WASHC4: variants seen among roughly 807,000 people sequenced by gnomAD.
The protein encoded by WASHC4 is WASH complex subunit 7.
A neutral mutation model predicts 166.6 loss-of-function variants in WASHC4; 86 were observed. That is an observed-to-expected ratio of 0.52 (90% confidence interval 0.43 to 0.62). WASHC4 has a LOEUF of 0.62. Among genes scored for constraint, WASHC4 ranks in the 20% least tolerant of loss-of-function variants. The probability of loss-of-function intolerance (pLI) is 0.00; values close to 1 mark genes in which losing one functional copy is unlikely to be tolerated. For missense variants in WASHC4, 1,262 were observed against 1,382.4 expected, an observed-to-expected ratio of 0.91 and a Z score of 1.38; for synonymous variants, 446 against 451.6, an observed-to-expected ratio of 0.99 and a Z score of 0.16.
At chr12:105,144,660 G>C in intron 21 of WASHC4, 58 bp from the exon 22 acceptor site, 3 of 1,483,062 alleles carry the variant, frequency 2.0e-6, no homozygotes, top group African/African-American at 1.4e-5. Context: ...TTTCCTTTTA[G>C]GTTTCATTTC....
At chr12:105,109,721 A>G (rs146660893) in intron 1 of WASHC4, among the ~76,000 whole-genome samples, 3 of 136,270 alleles carry the variant, frequency 2.2e-5, no homozygotes, top group African/African-American at 8.5e-5. Flanking sequence ...GCCACGGCTC[A>G]CTGCAGCCTC....
At chr12:105,157,755 A>G (rs560218935) in intron 28 of WASHC4, among the ~76,000 whole-genome samples, 1 of 152,360 alleles carries the variant, frequency 6.6e-6, no homozygotes, top group Non-Finnish European at 1.5e-5. Flanking sequence ...GCAGCACTGT[A>G]GCCACTACCA....
chr12:105,121,474 T>C (rs144584481), intron 9 of WASHC4, among the ~76,000 whole-genome samples: 1 of 152,312 alleles, frequency 6.6e-6, no homozygotes, highest in East Asian at 1.9e-4. Flanking sequence ...CTCAGATTTA[T>C]TGTTTTCCTT....
chr12:105,143,215 A>G lies in WASHC4; in HGVS notation c.1982A>G (p.Asp661Gly). ...TATGAGATACTTCTGGATTGCTATGACAAGGAAATTATGGAAATTTTAAAT... is the reference window on the plus strand; with the variant it reads ...TATGAGATACTTCTGGATTGCTATGGCAAGGAAATTATGGAAATTTTAAAT... The part of the protein sequence containing the change: ...ESYEILLDCY[D>G]KEIMEILNEH... The change falls in exon 20 of 33, where the codon GAC (aspartate) becomes GGC (glycine). Residue 661 changes from aspartate to glycine, a missense_variant. Physicochemically the swap from Asp to Gly is moderately conservative, Grantham distance 94. Transcript: ENST00000332180. 2 of 1,598,102 alleles carry G rather than the reference A, an allele frequency of 1.3e-6. No individual in the cohort carries two copies. Among genetic ancestry groups the G allele is most frequent in the South Asian group, 1.1e-5 (1 of 90,686 alleles).
chr12:105,143,097 A>C, intron 19 of WASHC4, 30 bp from the exon 20 acceptor site: 4 of 1,415,156 alleles, frequency 2.8e-6, no homozygotes. Flanking sequence ...GGTTTTTCTA[A>C]ATTCATGTAC....
intron 12 of WASHC4, 44 bp from the exon 13 acceptor site, chr12:105,127,085 G>T (rs773807218): frequency 6.5e-7 from 1 of 1,540,742 alleles, no homozygotes; most frequent in South Asian, 1.1e-5. Context: ...TTGTTGTTTA[G>T]CCTGCATTTA....
chr12:105,128,945 A>ATTTT (rs60081185), intron 13 of WASHC4, among the ~76,000 whole-genome samples: 1 of 99,662 alleles, frequency 1.0e-5, no homozygotes, highest in Admixed American at 1.0e-4. Context: ...GCCCAGCTAC[A>ATTTT]TTTTTTTTTT....
chr12:105,133,127 C>A (rs1005108010), intron 13 of WASHC4, among the ~76,000 whole-genome samples: 4 of 152,076 alleles, frequency 2.6e-5, no homozygotes. Flanking sequence ...GTAAGGCCTT[C>A]CACAAATCCC....
chr12:105,121,653 G>T (rs1047209310), intron 9 of WASHC4, among the ~76,000 whole-genome samples: 2 of 152,116 alleles, frequency 1.3e-5, no homozygotes, highest in Admixed American at 1.3e-4. Context: ...GACTACAGGC[G>T]TGTGCCACCA....
Position 105,126,063 on chromosome 12 carries a change from T to C in WASHC4, c.846T>C (p.Ser282=), listed in dbSNP as rs1881252861. 6.2e-7 allele frequency: 1 copy of C among 1,612,836 alleles called. No individual in the cohort carries two copies. The highest frequency in any genetic ancestry group is 8.5e-7 in the Non-Finnish European group (1 of 1,179,194). Residue 282 remains serine, a synonymous_variant, in exon 11 of 33, where the codon AGT becomes AGC. Transcript: ENST00000332180. ...GAGGAGTATCTGTGTCAAAAAATAGTACTTTTGCTGAGGAATTTGCACATA... is the reference window on the plus strand; with the variant it reads ...GAGGAGTATCTGTGTCAAAAAATAGCACTTTTGCTGAGGAATTTGCACATA... ...LNGGVSVSKN[S]TFAEEFAHSI... is the part of the protein sequence containing the mutation.
intron 13 of WASHC4, among the ~76,000 whole-genome samples, chr12:105,130,007 T>A (rs542393410): frequency 3.3e-5 from 5 of 152,194 alleles, no homozygotes; most frequent in Non-Finnish European, 7.3e-5. Context: ...GACACATACC[T>A]CCTGTAATGA....
At chr12:105,140,797 G>A in intron 16 of WASHC4, 102 bp from the exon 17 acceptor site, 2 of 1,149,458 alleles carry the variant, frequency 1.7e-6, no homozygotes, top group South Asian at 2.5e-5. Flanking sequence ...ATTTGTGTAT[G>A]CTCTCTTAAA....
At chr12:105,140,517 T>C in intron 16 of WASHC4, 116 bp downstream of exon 16, 1 of 780,626 alleles carries the variant, frequency 1.3e-6, no homozygotes, top group South Asian at 1.5e-5. Flanking sequence ...AAACATAATA[T>C]GCTCGGTTAT....
intron 2 of WASHC4, 109 bp from the exon 3 acceptor site, chr12:105,114,107 C>A: frequency 2.2e-6 from 2 of 891,366 alleles, no homozygotes; most frequent in Non-Finnish European, 1.8e-6. Flanking sequence ...ATGTTGAGTA[C>A]AGGATCTAAC....
rs1434322633 is a variant in WASHC4, at chr12:105,164,400, T to C, written c.3354+93T>C. 17 of 1,127,476 alleles carry C rather than the reference T, an allele frequency of 1.5e-5. No homozygotes were observed. The African/African-American group carries it at 2.4e-4, about 16-fold the overall frequency. The allele number at this position is 1,127,476 out of a possible 1,614,324, so 69.8% of individuals were successfully genotyped here. ...TGAAAAGCAGAAGCCATATAGAAAC[T>C]ACCATTTTCACAAGTGAGATGAATA... is the stretch of plus-strand genomic sequence containing the variant. On this transcript the variant is annotated intron_variant, in intron 31 of 32. Transcript: ENST00000332180.
chr12:105,131,948 A>G (rs1194647101), intron 13 of WASHC4, among the ~76,000 whole-genome samples: 1 of 152,182 alleles, frequency 6.6e-6, no homozygotes, highest in Non-Finnish European at 1.5e-5. Flanking sequence ...CTTGAGATTG[A>G]CAGTTTGCCC....
chr12:105,141,141 C>T (rs778384082), intron 17 of WASHC4, 26 bp from the exon 18 acceptor site: 2 of 1,610,094 alleles, frequency 1.2e-6, no homozygotes, highest in Non-Finnish European at 1.7e-6. Flanking sequence ...TGCAACTTCT[C>T]TGCCTTTTTT....
In WASHC4 at chr12:105,160,239, G is replaced by A. The variant is rs1265294619; in HGVS notation, c.3060+91G>A. The A allele has an allele frequency of 3.0e-6, 3 of 1,007,720 alleles. No individual in the cohort carries two copies. The Admixed American group carries it at 5.6e-5, about 19-fold the overall frequency. The allele number at this position is 1,007,720 out of a possible 1,614,324, so 62.4% of individuals were successfully genotyped here. ...TTCTTTGTAACACGAAATGCATACAGACTACACTATTAATTTCCTGGTTGC... is the reference window on the plus strand; with the variant it reads ...TTCTTTGTAACACGAAATGCATACAAACTACACTATTAATTTCCTGGTTGC... On this transcript the variant is annotated intron_variant, in intron 29 of 32. Transcript: ENST00000332180.
intron 2 of WASHC4, among the ~76,000 whole-genome samples, 186 bp from the exon 3 acceptor site, chr12:105,114,030 G>T (rs1475789929): frequency 2.0e-5 from 3 of 151,830 alleles, no homozygotes; most frequent in African/African-American, 7.2e-5. Context: ...GTGTCATGTT[G>T]GGCCATTTCT....
Sources: gnomAD v4.1 joint callset for allele counts (sites outside exome capture counted in the v4.1 genomes callset) on GRCh38, gnomAD v4.1.1 for gene constraint, MANE v1.5 for transcripts, NCBI Gene and HGNC (gene_info 2026-07-23, HGNC 2026-07-21) for gene names.